The following LRRTM4 variants were observed in gnomAD, a reference collection of about 807,000 sequenced individuals.
LRRTM4 encodes leucine rich repeat transmembrane neuronal 4.
Under a neutral mutation model 47.6 loss-of-function variants are expected in LRRTM4, and 25 were observed. That is an observed-to-expected ratio of 0.53 (90% CI 0.38 to 0.73). LRRTM4 has a LOEUF of 0.73. Among genes scored for constraint, LRRTM4 ranks in the 30% least tolerant of loss-of-function variants. The pLI, the probability that LRRTM4 is intolerant of heterozygous loss-of-function variation, is 0.00. For missense variants in LRRTM4, 638 were observed against 713.4 expected, an observed-to-expected ratio of 0.89 and a Z score of 1.20; for synonymous variants, 311 against 269.5, an observed-to-expected ratio of 1.15 and a Z score of -1.51.
chr2:77,351,423 G>A (rs905302979), intron 3 of LRRTM4, among the ~76,000 whole-genome samples: 2 of 151,670 alleles, frequency 1.3e-5, no homozygotes, highest in Middle Eastern at 3.2e-3. Flanking sequence ...AAAATATAAT[G>A]GTGAAAGACT....
At chr2:77,463,952 A>G (rs1676883115) in intron 3 of LRRTM4, among the ~76,000 whole-genome samples, 1 of 152,146 alleles carries the variant, frequency 6.6e-6, no homozygotes, top group Admixed American at 6.6e-5. Flanking sequence ...TTTTGAGTAA[A>G]TTGATGAATG....
At chr2:76,781,488 C>A (rs541672472) in intron 3 of LRRTM4, among the ~76,000 whole-genome samples, 17 of 152,332 alleles carry the variant, frequency 1.1e-4, no homozygotes, top group African/African-American at 3.8e-4. Context: ...CTGAAAAGCG[C>A]AGTATTCGGG....
intron 3 of LRRTM4, among the ~76,000 whole-genome samples, chr2:77,162,815 T>A (rs1672768595): frequency 6.6e-6 from 1 of 151,978 alleles, no homozygotes; most frequent in Non-Finnish European, 1.5e-5. Flanking sequence ...CAAAACCCCA[T>A]CTGTATGTCA....
At chr2:77,336,236 G>A (rs962572380) in intron 3 of LRRTM4, among the ~76,000 whole-genome samples, 3 of 146,498 alleles carry the variant, frequency 2.0e-5, no homozygotes, top group Admixed American at 7.0e-5. Context: ...AAGAAAGGAA[G>A]GAAGGAAGAA....
intron 3 of LRRTM4, among the ~76,000 whole-genome samples, chr2:77,208,078 C>G (rs1674191421): frequency 6.6e-6 from 1 of 151,736 alleles, no homozygotes; most frequent in Non-Finnish European, 1.5e-5. Context: ...AGGGTTTCAC[C>G]ATGTTGGCCA....
chr2:77,250,760 G>A (rs1675579888), intron 3 of LRRTM4, among the ~76,000 whole-genome samples: 1 of 152,100 alleles, frequency 6.6e-6, no homozygotes. Context: ...GTGTGCAGCA[G>A]GAAAATGTTC....
intron 3 of LRRTM4, among the ~76,000 whole-genome samples, chr2:77,158,826 C>T (rs577364411): frequency 2.5e-4 from 38 of 150,636 alleles, no homozygotes; most frequent in Admixed American, 5.3e-4. Context: ...CATTATATTT[C>T]TATTTTATAA....
intron 3 of LRRTM4, among the ~76,000 whole-genome samples, chr2:77,369,247 A>G (rs1017598038): frequency 6.6e-6 from 1 of 151,580 alleles, no homozygotes; most frequent in Non-Finnish European, 1.5e-5. Flanking sequence ...TTGCGTTTTC[A>G]TTTTGTCAAT....
intron 3 of LRRTM4, among the ~76,000 whole-genome samples, chr2:77,200,508 T>A (rs1467624643): frequency 5.3e-5 from 8 of 152,086 alleles, no homozygotes; most frequent in Non-Finnish European, 8.8e-5. Flanking sequence ...TTCTAAAATG[T>A]TTATGAAAAA....
intron 3 of LRRTM4, among the ~76,000 whole-genome samples, chr2:76,787,413 T>C (rs937032096): frequency 6.6e-6 from 1 of 152,136 alleles, no homozygotes; most frequent in East Asian, 1.9e-4. Flanking sequence ...TGTGTTCTGA[T>C]ACTTTATACA....
chr2:77,201,371 A>G (rs1197245370), intron 3 of LRRTM4, among the ~76,000 whole-genome samples: 1 of 152,132 alleles, frequency 6.6e-6, no homozygotes, highest in African/African-American at 2.4e-5. Flanking sequence ...GTTAAATTCC[A>G]TATGCTAACT....
At chr2:77,153,144 G>A (rs1486328523) in intron 3 of LRRTM4, among the ~76,000 whole-genome samples, 2 of 152,056 alleles carry the variant, frequency 1.3e-5, no homozygotes, top group Admixed American at 1.3e-4. Context: ...TGACTAATTA[G>A]CACCTTTAAT....
chr2:76,908,464 T>C (rs1225887038), intron 3 of LRRTM4, among the ~76,000 whole-genome samples: 3 of 151,110 alleles, frequency 2.0e-5, no homozygotes, highest in Non-Finnish European at 4.4e-5. Flanking sequence ...ACCACTCCTA[T>C]TCAACATAGT....
chr2:77,014,108 G>A (rs1463151915), intron 3 of LRRTM4, among the ~76,000 whole-genome samples: 1 of 152,130 alleles, frequency 6.6e-6, no homozygotes, highest in Non-Finnish European at 1.5e-5. Context: ...GTATGAACAT[G>A]CACAGTTTTT....
chr2:77,336,205 AAGGAAGGAAGG>A (rs1671160832), intron 3 of LRRTM4, among the ~76,000 whole-genome samples: 3 of 145,418 alleles, frequency 2.1e-5, no homozygotes, highest in African/African-American at 8.1e-5. Context: ...GGAAGGAAAG[AAGGAAGGAAGG>A]GAGAAAGGAA....
intron 3 of LRRTM4, among the ~76,000 whole-genome samples, chr2:77,088,784 C>T (rs1201153707): frequency 6.6e-6 from 1 of 152,152 alleles, no homozygotes; most frequent in Non-Finnish European, 1.5e-5. Context: ...GGTCCTCAGA[C>T]CCACCAGCCC....
intron 3 of LRRTM4, among the ~76,000 whole-genome samples, chr2:76,863,639 C>T (rs1255369526): frequency 1.3e-5 from 2 of 152,006 alleles, no homozygotes; most frequent in Admixed American, 6.6e-5. Flanking sequence ...TTTATTCTCC[C>T]CTTTCCTTGT....
intron 3 of LRRTM4, among the ~76,000 whole-genome samples, chr2:77,166,158 C>G (rs750468064): frequency 2.0e-5 from 3 of 152,134 alleles, no homozygotes; most frequent in Non-Finnish European, 4.4e-5. Context: ...TTCCTATACA[C>G]CAATGACAGA....
At chr2:76,757,227 C>CA (rs1248466702) in intron 3 of LRRTM4, among the ~76,000 whole-genome samples, 1 of 152,008 alleles carries the variant, frequency 6.6e-6, no homozygotes, top group African/African-American at 2.4e-5. Context: ...TTCATTTTGA[C>CA]AAAAATTTCT....
Sources: allele counts gnomAD v4.1 joint callset (sites outside exome capture counted in the v4.1 genomes callset), GRCh38; gene constraint gnomAD v4.1.1; transcripts MANE v1.5; gene names NCBI Gene and HGNC (gene_info 2026-07-23, HGNC 2026-07-21).